CDC14A: variants seen among roughly 807,000 people sequenced by gnomAD.
CDC14A encodes cell division cycle 14A, also known as dual specificity protein phosphatase CDC14A.
Under a neutral mutation model 74.4 loss-of-function variants are expected in CDC14A, and 53 were observed. That is an observed-to-expected ratio of 0.71 (90% CI 0.57 to 0.89). CDC14A has a LOEUF of 0.89. Ranked by LOEUF, CDC14A falls within the 40% of genes least tolerant of loss-of-function variation. The probability of loss-of-function intolerance (pLI) is 0.00; values close to 1 mark genes in which losing one functional copy is unlikely to be tolerated. For synonymous variants in CDC14A, 247 were observed against 258.4 expected (o/e 0.96, Z 0.43); for missense variants, 646 against 713.7 (o/e 0.91, Z 1.08).
chr1:100,352,305 G>A (rs558124528), upstream of CDC14A, among the ~76,000 whole-genome samples: 11 of 152,218 alleles, frequency 7.2e-5, no homozygotes, highest in African/African-American at 2.6e-4. Flanking sequence ...CTTAGCAACC[G>A]GCTCCTAGTG....
intron 5 of CDC14A, among the ~76,000 whole-genome samples, chr1:100,433,219 G>T (rs1241868801): frequency 2.6e-5 from 4 of 152,094 alleles, no homozygotes; most frequent in African/African-American, 7.2e-5. Flanking sequence ...CACCAGAGGT[G>T]TTCAGGCATA....
chr1:100,377,481 C>T, intron 2 of CDC14A, 65 bp from the exon 3 acceptor site: 1 of 995,732 alleles, frequency 1.0e-6, no homozygotes, highest in South Asian at 1.4e-5. Flanking sequence ...TAAAGATGAA[C>T]ATTGATGTTA....
At chr1:100,473,450 G>A (rs1351642050) in intron 10 of CDC14A, among the ~76,000 whole-genome samples, 1 of 151,880 alleles carries the variant, frequency 6.6e-6, no homozygotes, top group Non-Finnish European at 1.5e-5. Context: ...CCAATGGCAC[G>A]ATCTTGGCTT....
At chr1:100,380,382 T>G (rs1655935394) in intron 3 of CDC14A, among the ~76,000 whole-genome samples, 1 of 152,202 alleles carries the variant, frequency 6.6e-6, no homozygotes, top group Admixed American at 6.5e-5. Flanking sequence ...GCCTCTGGTT[T>G]ACAGTCATCC....
At position 100,484,387 on chromosome 1, in the gene CDC14A, G is replaced by T. The variant is rs1208291496; in HGVS notation, c.1073G>T (p.Gly358Val). The change falls in exon 11 of 16, where the codon GGC becomes GTC. Residue 358 changes from glycine to valine, a missense_variant. Coordinates refer to ENST00000336454, the MANE Select transcript of CDC14A (RefSeq NM_003672.4). ...SEGSINKILS[G>V]LDDMSIGGNL... ...GGAAGTATTAATAAAATTCTTTCTG[G>T]CCTAGATGATATGTCTATTGGTGGA... 1.2e-6 allele frequency: 2 copies of T among 1,609,028 alleles called. No individual in the cohort carries two copies. The highest frequency in any genetic ancestry group is 1.7e-6 in the Non-Finnish European group (2 of 1,177,648).
At chr1:100,418,910 A>T (rs934572303) in intron 4 of CDC14A, among the ~76,000 whole-genome samples, 1 of 152,092 alleles carries the variant, frequency 6.6e-6, no homozygotes, top group South Asian at 2.1e-4. Context: ...GATGGCCAGG[A>T]GTGGTAGCTC....
intron 4 of CDC14A, among the ~76,000 whole-genome samples, chr1:100,413,299 ATTCTT>A (rs1661115833): frequency 6.6e-6 from 1 of 152,162 alleles, no homozygotes; most frequent in Non-Finnish European, 1.5e-5. Flanking sequence ...TTAGTTTTCT[ATTCTT>A]CAGTGAGTTC....
chr1:100,482,927 T>A (rs1256070602), intron 10 of CDC14A, among the ~76,000 whole-genome samples: 1 of 152,194 alleles, frequency 6.6e-6, no homozygotes, highest in Non-Finnish European at 1.5e-5. Context: ...ATGGTCTTAT[T>A]CTTTTTTATG....
intron 4 of CDC14A, among the ~76,000 whole-genome samples, chr1:100,397,198 A>G (rs1234733262): frequency 6.6e-6 from 1 of 152,166 alleles, no homozygotes; most frequent in Non-Finnish European, 1.5e-5. Flanking sequence ...TGCTGGAATG[A>G]TGTGGGCACT....
At chr1:100,385,625 C>A (rs1656727828) in intron 3 of CDC14A, among the ~76,000 whole-genome samples, 1 of 152,144 alleles carries the variant, frequency 6.6e-6, no homozygotes, top group Admixed American at 6.5e-5. Context: ...ATCCTGCTTA[C>A]TACTCTTACT....
At chr1:100,485,426 C>T (rs1413260954) in intron 11 of CDC14A, 5 of 520,182 alleles carry the variant, frequency 9.6e-6, no homozygotes, top group South Asian at 8.2e-5. Context: ...AGCTAGGCAG[C>T]GTGATGTGTG....
chr1:100,518,312 T>C lies in CDC14A; in HGVS notation c.*32T>C. The C allele has an allele frequency of 6.3e-7, 1 of 1,582,138 alleles. No individual in the cohort carries two copies. Among genetic ancestry groups the C allele is most frequent in the Non-Finnish European group, 8.7e-7 (1 of 1,151,994 alleles). On this transcript the variant is annotated 3_prime_UTR_variant, in exon 16 of 16. Coordinates refer to ENST00000336454, the MANE Select transcript of CDC14A (RefSeq NM_003672.4). ...GCCACTCCAGTGAAAGCTGTTCTTC[T>C]CTTAGACACAATTTCTTCATCTGGA...
upstream of CDC14A, chr1:100,351,914 G>A: frequency 9.7e-7 from 1 of 1,026,328 alleles, no homozygotes; most frequent in Non-Finnish European, 1.4e-6. Context: ...TTGGGCGTGG[G>A]GGGTGGCTGA....
intron 8 of CDC14A, 33 bp from the exon 9 acceptor site, chr1:100,462,618 T>C: frequency 1.3e-6 from 2 of 1,486,054 alleles, no homozygotes; most frequent in Non-Finnish European, 1.9e-6. Flanking sequence ...ATGAAATGCA[T>C]GCCTTTTGCT....
At chr1:100,493,579 C>T (rs976639321) in intron 11 of CDC14A, among the ~76,000 whole-genome samples, 1 of 152,222 alleles carries the variant, frequency 6.6e-6, no homozygotes, top group Non-Finnish European at 1.5e-5. Context: ...ACTTGAGACT[C>T]TAAGAGAATC....
At chr1:100,351,523 GC>G (rs144661443), upstream of CDC14A, among the ~76,000 whole-genome samples, 493 of 152,316 alleles carry the variant, frequency 3.2e-3, 5 homozygotes, top group African/African-American at 0.011. Flanking sequence ...GCCTCTTTTA[GC>G]GGGACTCCTG....
At chr1:100,505,467 C>A (rs1273818014) in intron 15 of CDC14A, among the ~76,000 whole-genome samples, 3 of 152,132 alleles carry the variant, frequency 2.0e-5, no homozygotes, top group African/African-American at 4.8e-5. Flanking sequence ...GGAATGAGAT[C>A]AAAATATTAG....
intron 5 of CDC14A, among the ~76,000 whole-genome samples, chr1:100,435,788 C>T (rs551217395): frequency 1.2e-4 from 16 of 136,840 alleles, no homozygotes; most frequent in South Asian, 2.3e-4. Flanking sequence ...TGTGCCAGTG[C>T]GCTCCAGCCT....
chr1:100,416,118 TC>T (rs2101055530), intron 4 of CDC14A, among the ~76,000 whole-genome samples: 1 of 152,346 alleles, frequency 6.6e-6, no homozygotes, highest in African/African-American at 2.4e-5. Flanking sequence ...GTTTTATGTT[TC>T]AGCTTTTTGC....
Sources: gnomAD v4.1 joint callset for allele counts (sites outside exome capture counted in the v4.1 genomes callset) on GRCh38, gnomAD v4.1.1 for gene constraint, MANE v1.5 for transcripts, NCBI Gene and HGNC (gene_info 2026-07-23, HGNC 2026-07-21) for gene names.